The following CADM1 variants were observed in gnomAD, a reference collection of about 807,000 sequenced individuals.
CADM1 encodes the protein TSLC-1.
CADM1 carries 15 observed loss-of-function variants against 53.1 expected under a neutral mutation model. The observed-to-expected ratio is 0.28, with a 90% CI of 0.19 to 0.44. CADM1 has a LOEUF of 0.44. Among genes scored for constraint, CADM1 ranks in the 20% least tolerant of loss-of-function variants. CADM1 has a pLI of 1.00. For synonymous variants in CADM1, 281 were observed against 243.0 expected (o/e 1.16, Z -1.45); for missense variants, 434 against 611.3 (o/e 0.71, Z 3.06).
chr11:115,378,414 A>G (rs1025165842), intron 1 of CADM1, among the ~76,000 whole-genome samples: 1 of 152,168 alleles, frequency 6.6e-6, no homozygotes, highest in African/African-American at 2.4e-5. Flanking sequence ...CTGTCAGATA[A>G]GAGAATGACA....
chr11:115,285,578 G>C (rs1943709189), intron 1 of CADM1, among the ~76,000 whole-genome samples: 1 of 152,140 alleles, frequency 6.6e-6, no homozygotes, highest in Admixed American at 6.6e-5. Context: ...AAAAGACATG[G>C]GCTAGAAATA....
At chr11:115,495,596 T>G (rs1392869179) in intron 1 of CADM1, among the ~76,000 whole-genome samples, 1 of 152,180 alleles carries the variant, frequency 6.6e-6, no homozygotes, top group Non-Finnish European at 1.5e-5. Context: ...CCACCCTCTA[T>G]GTTATCTACC....
At chr11:115,229,753 A>G (rs778077024) in intron 4 of CADM1, among the ~76,000 whole-genome samples, 3 of 152,244 alleles carry the variant, frequency 2.0e-5, no homozygotes, top group Non-Finnish European at 4.4e-5. Context: ...GTAGAGTTAC[A>G]AACAACCCCC....
At chr11:115,404,845 A>G (rs1041162514) in intron 1 of CADM1, among the ~76,000 whole-genome samples, 14 of 128,538 alleles carry the variant, frequency 1.1e-4, no homozygotes, top group East Asian at 2.1e-4. Context: ...CTGCCTCAGG[A>G]AAAAAAAAAA....
intron 10 of CADM1, among the ~76,000 whole-genome samples, chr11:115,183,255 G>A (rs1007343614): frequency 1.3e-5 from 2 of 152,120 alleles, no homozygotes; most frequent in Non-Finnish European, 2.9e-5. Context: ...TGCCAGAGTC[G>A]TCTTAAACGC....
intron 1 of CADM1, among the ~76,000 whole-genome samples, chr11:115,342,440 A>C (rs1460191979): frequency 6.6e-6 from 1 of 152,170 alleles, no homozygotes; most frequent in East Asian, 1.9e-4. Context: ...TTCTACATGG[A>C]GGAACAGAGT....
intron 1 of CADM1, among the ~76,000 whole-genome samples, chr11:115,355,590 C>T (rs150770252): frequency 5.9e-5 from 9 of 151,894 alleles, no homozygotes; most frequent in African/African-American, 1.7e-4. Flanking sequence ...ATATTACAAA[C>T]GTGCATATGT....
chr11:115,218,054 C>A, intron 5 of CADM1, 63 bp from the exon 6 acceptor site: 1 of 1,155,262 alleles, frequency 8.7e-7, no homozygotes, highest in South Asian at 1.3e-5. Context: ...AAATCAGACT[C>A]ACACACTGCC....
chr11:115,348,245 T>C (rs1199660988), intron 1 of CADM1, among the ~76,000 whole-genome samples: 2 of 152,196 alleles, frequency 1.3e-5, no homozygotes, highest in East Asian at 1.9e-4. Flanking sequence ...GTTGACATGA[T>C]TGAAAAGATT....
chr11:115,307,689 T>C (rs544545939), intron 1 of CADM1, among the ~76,000 whole-genome samples: 1 of 151,964 alleles, frequency 6.6e-6, no homozygotes, highest in Non-Finnish European at 1.5e-5. Flanking sequence ...GGTGAGACTT[T>C]AAAACTTTGA....
At chr11:115,263,988 TG>T (rs916951460) in intron 1 of CADM1, among the ~76,000 whole-genome samples, 6 of 152,340 alleles carry the variant, frequency 3.9e-5, no homozygotes, top group African/African-American at 1.4e-4. Context: ...AGAAGGCAGC[TG>T]GGTGGTGAGG....
chr11:115,430,875 G>C lies in CADM1; in HGVS notation c.124+73396C>G, dbSNP rs528096684. Among the ~76,000 whole-genome samples, 94 of 152,300 alleles carry C rather than the reference G, an allele frequency of 6.2e-4. 1 individual carries two copies. In the South Asian group the frequency reaches 9.3e-3, roughly 15 times the overall value. Reference sequence around the variant, plus strand: ...TAGTATTTTAACTCATTTTCGATATGAGAAAAATCACTTAAATTTTCTGAA... The same window carrying C: ...TAGTATTTTAACTCATTTTCGATATCAGAAAAATCACTTAAATTTTCTGAA... On this transcript the variant is annotated intron_variant, in intron 1 of 11. Coordinates refer to ENST00000331581, the MANE Select transcript of CADM1 (RefSeq NM_001301043.2).
intron 1 of CADM1, among the ~76,000 whole-genome samples, chr11:115,296,099 T>C (rs1456119739): frequency 2.0e-5 from 3 of 152,034 alleles, no homozygotes; most frequent in African/African-American, 4.8e-5. Context: ...TACAGGTGAG[T>C]GCACCCATGC....
intron 8 of CADM1, among the ~76,000 whole-genome samples, chr11:115,207,614 A>C (rs1940758277): frequency 6.6e-6 from 1 of 151,990 alleles, no homozygotes; most frequent in Non-Finnish European, 1.5e-5. Context: ...GCTAGTGAGA[A>C]GGCCAGCCGC....
intron 1 of CADM1, among the ~76,000 whole-genome samples, chr11:115,370,012 A>G (rs1252838948): frequency 6.6e-6 from 1 of 152,178 alleles, no homozygotes; most frequent in African/African-American, 2.4e-5. Flanking sequence ...AGATCTCCCA[A>G]CAGGCTTCAT....
intron 1 of CADM1, among the ~76,000 whole-genome samples, chr11:115,348,042 T>TC (rs1945628914): frequency 6.6e-6 from 1 of 152,208 alleles, no homozygotes; most frequent in Non-Finnish European, 1.5e-5. Context: ...AAAGAACAGA[T>TC]TATTCATTTT....
intron 1 of CADM1, among the ~76,000 whole-genome samples, chr11:115,501,208 T>TAA (rs1949719501): frequency 6.6e-6 from 1 of 152,156 alleles, no homozygotes; most frequent in Non-Finnish European, 1.5e-5. Flanking sequence ...ACTGTAAATA[T>TAA]AAAGTGGCAT....
chr11:115,218,571 C>T (rs966863158), intron 5 of CADM1, among the ~76,000 whole-genome samples: 1 of 152,162 alleles, frequency 6.6e-6, no homozygotes, highest in Admixed American at 6.6e-5. Flanking sequence ...TACTCAGCAT[C>T]TACTCCCCTA....
intron 1 of CADM1, chr11:115,399,641 A>G (rs1210342419): frequency 1.3e-5 from 2 of 152,200 alleles, no homozygotes; most frequent in Non-Finnish European, 2.9e-5. Flanking sequence ...ACCATAGTAT[A>G]AAAAGAGCTG....
Sources: allele counts gnomAD v4.1 joint callset (sites outside exome capture counted in the v4.1 genomes callset), GRCh38; gene constraint gnomAD v4.1.1; transcripts MANE v1.5; gene names NCBI Gene and HGNC (gene_info 2026-07-23, HGNC 2026-07-21).